CDH19: variants seen among roughly 807,000 people sequenced by gnomAD.
The protein encoded by CDH19 is cadherin-19.
In CDH19, 67 loss-of-function variants were observed where a neutral mutation model predicts 64.2. The ratio of observed to expected loss-of-function variants is 1.04; its 90% CI spans 0.86 to 1.28. The LOEUF (loss-of-function observed/expected upper bound fraction) is 1.28. CDH19 is among the 50% of genes most tolerant of loss of function. The probability of loss-of-function intolerance (pLI) is 0.00; values close to 1 mark genes in which losing one functional copy is unlikely to be tolerated. For synonymous variants in CDH19, 346 were observed against 319.3 expected (o/e 1.08, Z -0.89); for missense variants, 1,030 against 929.0 (o/e 1.11, Z -1.41).
intron 9 of CDH19, among the ~76,000 whole-genome samples, chr18:66,522,241 C>A (rs1986027253): frequency 6.6e-6 from 1 of 151,322 alleles, no homozygotes; most frequent in Non-Finnish European, 1.5e-5. Flanking sequence ...AGCCACCCAG[C>A]CCGGCGTAGT....
chr18:66,565,891 C>T (rs547042125), intron 3 of CDH19, among the ~76,000 whole-genome samples: 1 of 152,012 alleles, frequency 6.6e-6, no homozygotes, highest in Non-Finnish European at 1.5e-5. Context: ...AAGCCTGGAC[C>T]CTAACTGGCA....
chr18:66,599,592 G>C (rs1240108728), intron 1 of CDH19, among the ~76,000 whole-genome samples: 2 of 151,896 alleles, frequency 1.3e-5, no homozygotes, highest in East Asian at 3.9e-4. Context: ...TGAGGTGATG[G>C]ATATATTAAC....
At chr18:66,556,935 A>G (rs1392507465) in intron 3 of CDH19, among the ~76,000 whole-genome samples, 1 of 151,998 alleles carries the variant, frequency 6.6e-6, no homozygotes, top group Non-Finnish European at 1.5e-5. Context: ...GTGAGAGTAT[A>G]GAGAAAAGGG....
chr18:66,576,308 A>G (rs1165972886), intron 1 of CDH19, among the ~76,000 whole-genome samples: 1 of 151,502 alleles, frequency 6.6e-6, no homozygotes, highest in Non-Finnish European at 1.5e-5. Context: ...TAAAATATAA[A>G]GGTACAGTAG....
rs1349726893 is a variant in CDH19 at position 66,502,437 on chromosome 18, G to A, written c.*2375C>T. On this transcript the variant is annotated 3_prime_UTR_variant, in exon 12 of 12. Transcript: ENST00000262150. Reference sequence around the variant, plus strand: ...ATTTTAATGAGTTGTTTATCCAAATGTATTCATTGTTTATAAGGCTTTTAT... The same window carrying A: ...ATTTTAATGAGTTGTTTATCCAAATATATTCATTGTTTATAAGGCTTTTAT... The A allele has an allele frequency of 3.3e-5, 5 of 151,892 alleles. No homozygotes were observed. Among genetic ancestry groups the A allele is most frequent in the Non-Finnish European group, 5.9e-5 (4 of 67,914 alleles). 9.4% of individuals were successfully genotyped at this position (151,892 alleles called of 1,614,324 possible). A position where few individuals can be genotyped will look rare whatever the true frequency, so the allele number is the denominator to read the frequency against.
chr18:66,523,065 G>A (rs1239752830), intron 9 of CDH19, among the ~76,000 whole-genome samples: 1 of 152,030 alleles, frequency 6.6e-6, no homozygotes, highest in Non-Finnish European at 1.5e-5. Context: ...AAAAATGAAA[G>A]AGAAAGCGTA....
intron 5 of CDH19, among the ~76,000 whole-genome samples, chr18:66,545,950 T>A (rs1359893180): frequency 6.6e-6 from 1 of 150,894 alleles, no homozygotes; most frequent in Non-Finnish European, 1.5e-5. Flanking sequence ...GCTGGGCACT[T>A]TTTTTTTTAT....
chr18:66,546,878 CA>C, intron 5 of CDH19, among the ~76,000 whole-genome samples: 1 of 152,020 alleles, frequency 6.6e-6, no homozygotes, highest in Admixed American at 6.6e-5. Flanking sequence ...TCTTAGTAAG[CA>C]AACAGGCAGA....
chr18:66,542,391 G>C (rs925231701), intron 7 of CDH19, among the ~76,000 whole-genome samples: 1 of 152,068 alleles, frequency 6.6e-6, no homozygotes, highest in Non-Finnish European at 1.5e-5. Flanking sequence ...AAGGTTTCTG[G>C]AAAATAGGTG....
intron 9 of CDH19, among the ~76,000 whole-genome samples, chr18:66,528,893 G>A (rs1285832418): frequency 6.6e-6 from 1 of 151,948 alleles, no homozygotes; most frequent in Non-Finnish European, 1.5e-5. Flanking sequence ...GATAGTATCT[G>A]TATAACTGTT....
At position 66,501,749 on chromosome 18, in the gene CDH19, TAAC is replaced by T. The variant is rs1277354275; in HGVS notation, c.*3060_*3062del. On this transcript the variant is annotated 3_prime_UTR_variant, in exon 12 of 12. Coordinates refer to ENST00000262150, the MANE Select transcript of CDH19 (RefSeq NM_021153.4). ...TACATATCTTATTATTAATTCTTCA[TAAC>T]AACCATGTGAAATAGGTTGATTGGA... is the stretch of plus-strand genomic sequence containing the variant. The T allele has an allele frequency of 6.6e-6, 1 of 152,128 alleles. No homozygotes were observed. The highest frequency in any genetic ancestry group is 2.4e-5 in the African/African-American group (1 of 41,450). 9.4% of individuals were successfully genotyped at this position (152,128 alleles called of 1,614,324 possible).
At position 66,527,739 on chromosome 18, in the gene CDH19, A is replaced by C. The variant is rs1986279517; in HGVS notation, c.1458+2106T>G. Among the ~76,000 whole-genome samples, 6 of 147,606 alleles carry C rather than the reference A, an allele frequency of 4.1e-5. No homozygotes were observed. The South Asian group carries it at 1.4e-3, about 34-fold the overall frequency. On this transcript the variant is annotated intron_variant, in intron 9 of 11. Coordinates refer to ENST00000262150, the MANE Select transcript of CDH19 (RefSeq NM_021153.4). ...ACTTCACTCCAGCCTGGGCAACGAG[A>C]GCAAAGCTCCATCTATATATATATA...
At position 66,568,444 on chromosome 18, in the gene CDH19, C is replaced by A; in HGVS notation, c.462G>T (p.Glu154Asp). Residue 154 changes from glutamate (E) to aspartate (D), a missense_variant, in exon 3 of 12, where the codon GAG becomes GAT. Glu to Asp is a conservative substitution (Grantham distance 45, BLOSUM62 2). Coordinates refer to ENST00000262150, the MANE Select transcript of CDH19 (RefSeq NM_021153.4). ...CTGGAGACATCTCTGGTACAATGGC[C>A]TCATAAGGTTCATCTAGGAATTTTG... The part of the protein sequence containing the change: ...NEPKFLDEPY[E>D]AIVPEMSPEG... The A allele has an allele frequency of 6.2e-7, 1 of 1,611,554 alleles. No individual in the cohort carries two copies. The highest frequency in any genetic ancestry group is 8.5e-7 in the Non-Finnish European group (1 of 1,178,504).
rs1984985357 is a variant in CDH19, at chr18:66,502,422, G to A, written c.*2390C>T. ...ATTCCATTAATGTGCATTTTAATGAGTTGTTTATCCAAATGTATTCATTGT... is the reference window on the plus strand; with the variant it reads ...ATTCCATTAATGTGCATTTTAATGAATTGTTTATCCAAATGTATTCATTGT... On this transcript the variant is annotated 3_prime_UTR_variant, in exon 12 of 12. Coordinates refer to ENST00000262150, the MANE Select transcript of CDH19 (RefSeq NM_021153.4). 1 of 151,918 alleles carries A rather than the reference G, an allele frequency of 6.6e-6. No individual in the cohort carries two copies. The highest frequency in any genetic ancestry group is 2.4e-5 in the African/African-American group (1 of 41,398). 9.4% of individuals were successfully genotyped at this position (151,918 alleles called of 1,614,324 possible).
chr18:66,567,504 T>C (rs1259712806), intron 3 of CDH19, among the ~76,000 whole-genome samples: 4 of 151,910 alleles, frequency 2.6e-5, no homozygotes, highest in Non-Finnish European at 5.9e-5. Context: ...CTGCTGTATT[T>C]AAAGACCTAT....
chr18:66,532,019 T>C (rs1014592923), intron 8 of CDH19, among the ~76,000 whole-genome samples: 1 of 152,144 alleles, frequency 6.6e-6, no homozygotes, highest in African/African-American at 2.4e-5. Context: ...CAGGCTGTAG[T>C]GCAGTGGCAG....
At position 66,603,457 on chromosome 18, in the gene CDH19, T is replaced by C. The variant is rs958039858; in HGVS notation, c.-113+497A>G. Reference sequence around the variant, plus strand: ...ATTCATAGCAATGCTAATATTTTAATTTTTTTGGAATTATAATATACTTAA... The same window carrying C: ...ATTCATAGCAATGCTAATATTTTAACTTTTTTGGAATTATAATATACTTAA... On this transcript the variant is annotated intron_variant, in intron 1 of 11. Coordinates refer to ENST00000262150, the MANE Select transcript of CDH19 (RefSeq NM_021153.4). 3.3e-5 allele frequency among the ~76,000 whole-genome samples: 5 copies of C among 151,298 alleles called. No homozygotes were observed. In the East Asian group the frequency reaches 9.7e-4, roughly 29 times the overall value.
intron 3 of CDH19, among the ~76,000 whole-genome samples, chr18:66,557,941 C>T (rs1369886593): frequency 6.6e-6 from 1 of 151,720 alleles, no homozygotes; most frequent in Non-Finnish European, 1.5e-5. Context: ...ATCTCTGATT[C>T]TCTAGTTGGC....
intron 9 of CDH19, among the ~76,000 whole-genome samples, chr18:66,525,065 C>T (rs1986168210): frequency 6.6e-6 from 1 of 152,072 alleles, no homozygotes; most frequent in African/African-American, 2.4e-5. Context: ...GCATATTTAA[C>T]AATTTGTGTC....
Sources: gnomAD v4.1 joint callset for allele counts (sites outside exome capture counted in the v4.1 genomes callset) on GRCh38, gnomAD v4.1.1 for gene constraint, MANE v1.5 for transcripts, NCBI Gene and HGNC (gene_info 2026-07-23, HGNC 2026-07-21) for gene names.